Variants in TMEM94 observed in about 807,000 individuals in gnomAD.
TMEM94 encodes the protein ER Mg2+ ATPase.
In TMEM94, 81 loss-of-function variants were observed where a neutral mutation model predicts 158.6. That is an observed-to-expected ratio of 0.51 (90% CI 0.43 to 0.61). TMEM94 has a LOEUF of 0.61. Among genes scored for constraint, TMEM94 ranks in the 20% least tolerant of loss-of-function variants. TMEM94 has a pLI of 0.00. For missense variants in TMEM94, 1,435 were observed against 1,762.0 expected, an observed-to-expected ratio of 0.81 and a Z score of 3.32; for synonymous variants, 751 against 730.7, an observed-to-expected ratio of 1.03 and a Z score of -0.45.
At chr17:75,470,895 G>A (rs1447447896) in intron 1 of TMEM94, among the ~76,000 whole-genome samples, 1 of 150,200 alleles carries the variant, frequency 6.7e-6, no homozygotes, top group Non-Finnish European at 1.5e-5. Flanking sequence ...CTCCAGCCTG[G>A]GCAACAGAGC....
rs765317547 is a variant in TMEM94 at position 75,499,349 on chromosome 17, T to G, written c.*15T>G. On this transcript the variant is annotated 3_prime_UTR_variant, in exon 32 of 32. Transcript: ENST00000314256. The stretch of plus-strand genomic sequence containing the variant: ...CTCCCTTCTGAGCCACTGGCTGTGG[T>G]GGCTGTAGTTGCCCCCGTCCCTGGG... 9 of 1,610,654 alleles carry G rather than the reference T, an allele frequency of 5.6e-6. No individual in the cohort carries two copies. The highest frequency in any genetic ancestry group is 3.3e-5 in the Admixed American group (2 of 59,988).
chr17:75,497,842 C>T lies in TMEM94; in HGVS notation c.3469C>T (p.Leu1157Phe). The T allele has an allele frequency of 4.3e-6, 7 of 1,613,928 alleles. No individual in the cohort carries two copies. The highest frequency in any genetic ancestry group is 5.9e-6 in the Non-Finnish European group (7 of 1,179,936). Reference protein sequence around the residue: ...SIMSMATGKNLQSIPKKTQHY... With the variant: ...SIMSMATGKNFQSIPKKTQHY... Reference sequence around the variant, plus strand: ...CATGTCTATGGCAACGGGGAAAAACCTCCAGTCCATTCCCAAGAAGGTAAG... The same window carrying T: ...CATGTCTATGGCAACGGGGAAAAACTTCCAGTCCATTCCCAAGAAGGTAAG... The change falls in exon 27 of 32, where the codon CTC becomes TTC. Residue 1157 changes from leucine to phenylalanine, a missense_variant. Transcript: ENST00000314256.
intron 1 of TMEM94, among the ~76,000 whole-genome samples, chr17:75,465,679 A>ATATATTTTTTTTTTT (rs1247855961): frequency 4.0e-5 from 5 of 124,822 alleles, no homozygotes; most frequent in African/African-American, 1.4e-4. Context: ...ATATATATAT[A>ATATATTTTTTTTTTT]TTTTTTTTTA....
chr17:75,498,390 C>T lies in TMEM94; in HGVS notation c.3639-54C>T, dbSNP rs1319728962. ...CTCGAGGCTTCCTCCCTCCCCACCC[C>T]AGCCTACCTCCCTGCGGCCCTAGAG... On this transcript the variant is annotated intron_variant, in intron 28 of 31. Coordinates refer to ENST00000314256, the MANE Select transcript of TMEM94 (RefSeq NM_014738.6). This position sits in a 1 kb window ranked among gnomAD's most constrained non-coding sequence, Gnocchi z 6.7. 3 of 1,610,528 alleles carry T rather than the reference C, an allele frequency of 1.9e-6. No homozygotes were observed. Among genetic ancestry groups the T allele is most frequent in the Non-Finnish European group, 2.5e-6 (3 of 1,178,154 alleles).
chr17:75,496,544 A>T, intron 24 of TMEM94, 73 bp downstream of exon 24: 1 of 1,524,746 alleles, frequency 6.6e-7, no homozygotes, highest in Non-Finnish European at 9.0e-7. Flanking sequence ...GCAGCAAAGG[A>T]CCTGTTTGAA....
At chr17:75,473,660 C>T (rs1327098598) in intron 2 of TMEM94, among the ~76,000 whole-genome samples, 1 of 152,176 alleles carries the variant, frequency 6.6e-6, no homozygotes, top group East Asian at 1.9e-4. Context: ...TTCTCTTTGT[C>T]CTCCTCCTCT....
At position 75,464,664 on chromosome 17, in the gene TMEM94, C is replaced by T. The variant is rs188446987; in HGVS notation, c.-106-7136C>T. On this transcript the variant is annotated intron_variant, in intron 1 of 31. Transcript: ENST00000314256. ...CCTTCCTTCCTTCCTTCCTTCCTTC[C>T]TTCCTTCCTTCCTTCTTTCTTTCTT... is the stretch of plus-strand genomic sequence containing the variant. Among the ~76,000 whole-genome samples the T allele has an allele frequency of 1.7e-4, 18 of 107,938 alleles. No homozygotes were observed. In the South Asian group the frequency reaches 2.5e-3, roughly 15 times the overall value. 70.8% of individuals were successfully genotyped at this position (107,938 alleles called of 152,430 possible). A position where few individuals can be genotyped will look rare whatever the true frequency, so the allele number is the denominator to read the frequency against.
At chr17:75,473,434 G>A (rs2050567648) in intron 2 of TMEM94, among the ~76,000 whole-genome samples, 1 of 152,226 alleles carries the variant, frequency 6.6e-6, no homozygotes, top group African/African-American at 2.4e-5. Flanking sequence ...AGGCTCTGCT[G>A]TTATGCAATG....
Position 75,493,567 on chromosome 17 carries a change from C to T in TMEM94, c.2163C>T (p.Asp721=). 6.2e-7 allele frequency: 1 copy of T among 1,614,044 alleles called. No homozygotes were observed. The highest frequency in any genetic ancestry group is 1.1e-5 in the South Asian group (1 of 91,086). Residue 721 remains aspartate, a synonymous_variant, in exon 17 of 32, where the codon GAC becomes GAT. Coordinates refer to ENST00000314256, the MANE Select transcript of TMEM94 (RefSeq NM_014738.6). ...EACTDFWDGA[D]IYPLSGSDRK... ...GCACAGACTTCTGGGACGGAGCTGA[C>T]ATCTACCCTCTCTCGGGATCTGACA...
At chr17:75,481,827 A>G (rs1014552723) in intron 2 of TMEM94, among the ~76,000 whole-genome samples, 3 of 152,188 alleles carry the variant, frequency 2.0e-5, no homozygotes, top group Non-Finnish European at 4.4e-5. Context: ...GGTTTTCCAG[A>G]GGGAAGCTCA....
intron 1 of TMEM94, among the ~76,000 whole-genome samples, chr17:75,465,058 G>A (rs1285565731): frequency 1.3e-5 from 2 of 151,978 alleles, no homozygotes; most frequent in Non-Finnish European, 2.9e-5. Flanking sequence ...GGAGTGTAGT[G>A]GCGTGATCAT....
intron 2 of TMEM94, among the ~76,000 whole-genome samples, chr17:75,481,420 G>A (rs1360346516): frequency 3.9e-5 from 6 of 152,352 alleles, no homozygotes; most frequent in Non-Finnish European, 8.8e-5. Context: ...AAGGGAGCTG[G>A]GGAATCCTGG....
At chr17:75,463,073 T>TACAC (rs1598302620) in intron 1 of TMEM94, among the ~76,000 whole-genome samples, 1 of 16,788 alleles carries the variant, frequency 6.0e-5, no homozygotes, top group East Asian at 9.6e-4. Context: ...TATATATATA[T>TACAC]ATATATACAC....
chr17:75,488,056 A>C lies in TMEM94; in HGVS notation c.534A>C (p.Pro178=). The C allele has an allele frequency of 1.9e-6, 3 of 1,614,214 alleles. No homozygotes were observed. The highest frequency in any genetic ancestry group is 2.5e-6 in the Non-Finnish European group (3 of 1,180,036). Residue 178 remains proline, a synonymous_variant, in exon 6 of 32, where the codon CCA becomes CCC. Transcript: ENST00000314256. The part of the protein sequence containing the change: ...AYRDGHLVNL[P]VSLLVEGDII... ...GAGACGGACACCTGGTCAACCTGCC[A>C]GTCAGCCTGCTGGTTGAAGGAGACA...
chr17:75,491,956 C>T lies in TMEM94; in HGVS notation c.1596+56C>T, dbSNP rs2052239403. 17 of 1,514,446 alleles carry T rather than the reference C, an allele frequency of 1.1e-5. 1 individual carries two copies. The South Asian group carries it at 2.0e-4, about 18-fold the overall frequency. The allele number at this position is 1,514,446 out of a possible 1,614,324, so 93.8% of individuals were successfully genotyped here. ...CACCCTCGGCCACAGGCTGTCCTGGCCTCCCTGGCCAGCCTGGCCTCACAA... is the reference window on the plus strand; with the variant it reads ...CACCCTCGGCCACAGGCTGTCCTGGTCTCCCTGGCCAGCCTGGCCTCACAA... On this transcript the variant is annotated intron_variant, in intron 14 of 31. Coordinates refer to ENST00000314256, the MANE Select transcript of TMEM94 (RefSeq NM_014738.6). The surrounding 1 kb of genome is among the most constrained non-coding windows in gnomAD (Gnocchi z 5.1).
chr17:75,495,069 C>CAGGGGGGGGG lies in TMEM94; in HGVS notation c.2728+35_2728+36insAGGGGGGGGG. 1.6e-6 allele frequency: 1 copy of CAGGGGGGGGG among 617,040 alleles called. No homozygotes were observed. Among genetic ancestry groups the CAGGGGGGGGG allele is most frequent in the Non-Finnish European group, 2.9e-6 (1 of 339,550 alleles). The allele number at this position is 617,040 out of a possible 1,614,324, so 38.2% of individuals were successfully genotyped here. ...AAGGCGTGGGGTGGGGACGGGGTGG[C>CAGGGGGGGGG]GGTGGGAGGATTCCCCTCCTCAGAG... On this transcript the variant is annotated intron_variant, in intron 20 of 31. Coordinates refer to ENST00000314256, the MANE Select transcript of TMEM94 (RefSeq NM_014738.6). This position sits in a 1 kb window ranked among gnomAD's most constrained non-coding sequence, Gnocchi z 5.6.
At chr17:75,493,174 C>A in intron 16 of TMEM94, 72 bp downstream of exon 16, 1 of 1,484,702 alleles carries the variant, frequency 6.7e-7, no homozygotes, top group Non-Finnish European at 9.2e-7. Context: ...CTGCCCAGCC[C>A]CACCCATTGC....
chr17:75,491,095 G>T lies in TMEM94; in HGVS notation c.1175G>T (p.Gly392Val). 6.2e-7 allele frequency: 1 copy of T among 1,613,528 alleles called. No individual in the cohort carries two copies. Among genetic ancestry groups the T allele is most frequent in the South Asian group, 1.1e-5 (1 of 90,986 alleles). Residue 392 changes from glycine to valine, a missense_variant, in exon 12 of 32, where the codon GGG (glycine) becomes GTG (valine). Gly to Val is a moderately radical substitution (Grantham distance 109). Coordinates refer to ENST00000314256, the MANE Select transcript of TMEM94 (RefSeq NM_014738.6). This position sits in a 1 kb window ranked among gnomAD's most constrained non-coding sequence, Gnocchi z 5.1. ...GGCCACTTCCTGAGGGTGCTCGGGG[G>T]GACATCGCCAACGCTGAGCCACAGT... ...IWGHFLRVLG[G>V]TSPTLSHSSS...
Position 75,487,961 on chromosome 17 carries a change from T to G in TMEM94, c.439T>G (p.Trp147Gly). The G allele has an allele frequency of 6.2e-7, 1 of 1,613,982 alleles. No homozygotes were observed. Among genetic ancestry groups the G allele is most frequent in the African/African-American group, 1.3e-5 (1 of 75,034 alleles). Residue 147 changes from tryptophan (W) to glycine (G), a missense_variant, in exon 6 of 32, where the codon TGG becomes GGG. Trp to Gly is a radical substitution (Grantham distance 184). Around this residue, in one of 3 missense-constraint regions of TMEM94, gnomAD observed 1,051 missense variants for 1,254.4 expected, o/e 0.84. Transcript: ENST00000314256. This position sits in a 1 kb window ranked among gnomAD's most constrained non-coding sequence, Gnocchi z 4.6. Reference protein sequence around the residue: ...DALRDGREIQWPSAMYPDLHM... With the variant: ...DALRDGREIQGPSAMYPDLHM... ...CCTCAGGGATGGCAGGGAGATCCAGTGGCCCAGTGCCATGTATCCAGACCT... is the reference window on the plus strand; with the variant it reads ...CCTCAGGGATGGCAGGGAGATCCAGGGGCCCAGTGCCATGTATCCAGACCT...
Sources: allele counts gnomAD v4.1 joint callset (sites outside exome capture counted in the v4.1 genomes callset), GRCh38; gene constraint gnomAD v4.1.1; regional missense constraint gnomAD v4.1.1; non-coding constraint Gnocchi (gnomAD v3.1); transcripts MANE v1.5; gene names NCBI Gene and HGNC (gene_info 2026-07-23, HGNC 2026-07-21).